Variants in SRD5A3 observed in about 807,000 individuals in gnomAD.
SRD5A3 encodes steroid 5 alpha-reductase 3.
SRD5A3 carries 24 observed loss-of-function variants against 34.3 expected under a neutral mutation model. That is an observed-to-expected ratio of 0.70 (90% CI 0.51 to 0.99). SRD5A3 has a LOEUF of 0.99. Among genes scored for constraint, SRD5A3 ranks in the 50% least tolerant of loss-of-function variants. The pLI is 0.00. For synonymous variants in SRD5A3, 161 were observed against 167.3 expected, an observed-to-expected ratio of 0.96 and a Z score of 0.29; for missense variants, 350 against 388.2, an observed-to-expected ratio of 0.90 and a Z score of 0.83.
chr4:55,359,819 G>A (rs1333585594), intron 2 of SRD5A3, among the ~76,000 whole-genome samples: 1 of 152,186 alleles, frequency 6.6e-6, no homozygotes, highest in African/African-American at 2.4e-5. Flanking sequence ...ACACAAAAGG[G>A]GGAAAGCTTT....
chr4:55,347,079 CCCTAACCTGCA>C (rs1470220450), intron 1 of SRD5A3, among the ~76,000 whole-genome samples: 1 of 152,248 alleles, frequency 6.6e-6, no homozygotes, highest in Non-Finnish European at 1.5e-5. Flanking sequence ...GACTGAGTCG[CCCTAACCTGCA>C]CCTTGGCAGG....
Position 55,370,095 on chromosome 4 carries a change from A to C in SRD5A3, c.*4A>C. 6.2e-7 allele frequency: 1 copy of C among 1,612,916 alleles called. No individual in the cohort carries two copies. The highest frequency in any genetic ancestry group is 2.2e-5 in the East Asian group (1 of 44,890). ...TTTCCTACCATTTTTGTTTTAAGTT[A>C]ACCTCAGTCATGAAGAATGCAAACC... is the stretch of plus-strand genomic sequence containing the variant. On this transcript the variant is annotated 3_prime_UTR_variant, in exon 5 of 5. Transcript: ENST00000264228.
rs370212479 is a variant in SRD5A3 at position 55,363,875 on chromosome 4, CCAGTGAACTGTGTAACA to C, written c.365-183_365-167del. On this transcript the variant is annotated intron_variant, in intron 2 of 4. Coordinates refer to ENST00000264228, the MANE Select transcript of SRD5A3 (RefSeq NM_024592.5). The stretch of plus-strand genomic sequence containing the variant: ...AATTGAGTGATGGGTGTTTGTGAAC[CCAGTGAACTGTGTAACA>C]CAGTGAACTGTGTAATTTGAGTGAA... 4,222 of 628,692 alleles carry C rather than the reference CCAGTGAACTGTGTAACA, an allele frequency of 6.7e-3. 118 individuals are homozygous for C. In the African/African-American group the frequency reaches 0.068, roughly 10 times the overall value. The allele number at this position is 628,692 out of a possible 1,614,324, so 38.9% of individuals were successfully genotyped here. A position where few individuals can be genotyped will look rare whatever the true frequency, so the allele number is the denominator to read the frequency against.
intron 1 of SRD5A3, among the ~76,000 whole-genome samples, chr4:55,356,496 T>A (rs1005396244): frequency 6.6e-6 from 1 of 152,046 alleles, no homozygotes; most frequent in Admixed American, 6.6e-5. Flanking sequence ...GTTTGTTTGT[T>A]TGTTTTGAGA....
chr4:55,360,687 C>CA (rs1719647139), intron 2 of SRD5A3, among the ~76,000 whole-genome samples: 2 of 123,148 alleles, frequency 1.6e-5, no homozygotes, highest in East Asian at 3.8e-4. Context: ...GAATATGGAA[C>CA]GTTTTTTTTT....
intron 1 of SRD5A3, among the ~76,000 whole-genome samples, chr4:55,349,625 C>T (rs533041443): frequency 6.6e-6 from 1 of 151,594 alleles, no homozygotes; most frequent in Middle Eastern, 3.4e-3. Context: ...TCTGAATAAA[C>T]AGGTGACCTC....
At chr4:55,353,828 C>G (rs1719314962) in intron 1 of SRD5A3, among the ~76,000 whole-genome samples, 1 of 152,182 alleles carries the variant, frequency 6.6e-6, no homozygotes, top group Non-Finnish European at 1.5e-5. Context: ...ATCTGAACAT[C>G]TGAAGGAACA....
At chr4:55,357,241 G>A (rs958973195) in intron 1 of SRD5A3, among the ~76,000 whole-genome samples, 7 of 152,188 alleles carry the variant, frequency 4.6e-5, no homozygotes, top group Admixed American at 1.3e-4. Context: ...CCATTAAGGC[G>A]GAGACCTAGT....
At chr4:55,354,118 A>T (rs951781732) in intron 1 of SRD5A3, among the ~76,000 whole-genome samples, 1 of 152,100 alleles carries the variant, frequency 6.6e-6, no homozygotes, top group Non-Finnish European at 1.5e-5. Context: ...TTGTTTTGAG[A>T]TGGAGTCTTG....
chr4:55,359,488 G>A lies in SRD5A3; in HGVS notation c.364G>A (p.Gly122Arg), dbSNP rs1487808056. 6.2e-7 allele frequency: 1 copy of A among 1,613,822 alleles called. No homozygotes were observed. The highest frequency in any genetic ancestry group is 8.5e-7 in the Non-Finnish European group (1 of 1,180,008). ...AATTCTCGGGGCGGCACAGTTCCAG[G>A]GTAAGGACTCCCTGGGCTTATGACA... ...LRILGAAQFQ[G>R]GELALSAFLV... Residue 122 changes from glycine to arginine, a missense_variant and splice_region_variant, in exon 2 of 5, where the codon GGA (glycine) becomes AGA (arginine). Gly to Arg is a moderately radical substitution (Grantham distance 125). Coordinates refer to ENST00000264228, the MANE Select transcript of SRD5A3 (RefSeq NM_024592.5).
intron 1 of SRD5A3, among the ~76,000 whole-genome samples, chr4:55,358,681 G>A (rs1446877261): frequency 6.6e-6 from 1 of 151,644 alleles, no homozygotes; most frequent in African/African-American, 2.4e-5. Context: ...CATTGGTTTT[G>A]TGGTCCTATT....
rs1232340418 is a variant in SRD5A3, at chr4:55,372,705, T to C, written c.*2614T>C. 2 of 152,184 alleles carry C rather than the reference T, an allele frequency of 1.3e-5. No homozygotes were observed. The highest frequency in any genetic ancestry group is 1.9e-4 in the East Asian group (1 of 5,190). The allele number at this position is 152,184 out of a possible 1,614,324, so 9.4% of individuals were successfully genotyped here. A position where few individuals can be genotyped will look rare whatever the true frequency, so the allele number is the denominator to read the frequency against. On this transcript the variant is annotated 3_prime_UTR_variant, in exon 5 of 5. Transcript: ENST00000264228. ...GTTTTCCTGTTGGCTTAAATAGCCT[T>C]AATCTTTCATTTTCTACTACCATTA...
chr4:55,363,298 G>A (rs1030811112), intron 2 of SRD5A3, among the ~76,000 whole-genome samples: 6 of 152,170 alleles, frequency 3.9e-5, no homozygotes, highest in Non-Finnish European at 7.4e-5. Context: ...AGTCAGGTGT[G>A]GTGGCACATG....
intron 1 of SRD5A3, among the ~76,000 whole-genome samples, chr4:55,353,895 TCATTCTTGAAGTCAG>T (rs1296660100): frequency 2.0e-5 from 3 of 152,156 alleles, no homozygotes; most frequent in Non-Finnish European, 4.4e-5. Context: ...GTCCACAGCT[TCATTCTTGAAGTCAG>T]CAAGACCAAG....
chr4:55,350,476 A>G (rs1719147231), intron 1 of SRD5A3, among the ~76,000 whole-genome samples: 1 of 152,152 alleles, frequency 6.6e-6, no homozygotes, highest in Non-Finnish European at 1.5e-5. Flanking sequence ...GCTGCATTTT[A>G]CTTTATGCTT....
At chr4:55,368,939 A>T (rs112434043) in intron 4 of SRD5A3, among the ~76,000 whole-genome samples, 3 of 152,062 alleles carry the variant, frequency 2.0e-5, no homozygotes, top group African/African-American at 7.2e-5. Context: ...GGGTTTCACC[A>T]TGTTGGCCAG....
chr4:55,368,879 C>CAG (rs911782751), intron 4 of SRD5A3, among the ~76,000 whole-genome samples: 7 of 152,048 alleles, frequency 4.6e-5, no homozygotes, highest in African/African-American at 1.4e-4. Flanking sequence ...GTTGGGATTA[C>CAG]AGGCGTGTGC....
At position 55,372,327 on chromosome 4, in the gene SRD5A3, CAG is replaced by C. The variant is rs1181142961; in HGVS notation, c.*2237_*2238del. ...ACGAGCATCCCATGACGCACCCTGT[CAG>C]GGGTTGTGAGAAAGCTGCAGTGTCC... On this transcript the variant is annotated 3_prime_UTR_variant, in exon 5 of 5. Transcript: ENST00000264228. 6.6e-6 allele frequency: 1 copy of C among 152,192 alleles called. No individual in the cohort carries two copies. The highest frequency in any genetic ancestry group is 1.9e-4 in the East Asian group (1 of 5,200). 9.4% of individuals were successfully genotyped at this position (152,192 alleles called of 1,614,324 possible).
chr4:55,355,368 G>A (rs1437289942), intron 1 of SRD5A3, among the ~76,000 whole-genome samples: 1 of 151,738 alleles, frequency 6.6e-6, no homozygotes, highest in Non-Finnish European at 1.5e-5. Context: ...TGAGGCAGGA[G>A]AATGGCGTGA....
Sources: gnomAD v4.1 joint callset for allele counts (sites outside exome capture counted in the v4.1 genomes callset) on GRCh38, gnomAD v4.1.1 for gene constraint, MANE v1.5 for transcripts, NCBI Gene and HGNC (gene_info 2026-07-23, HGNC 2026-07-21) for gene names.